The following RYR2 variants were observed in gnomAD, a reference collection of about 807,000 sequenced individuals.
The protein encoded by RYR2 is cardiac muscle ryanodine receptor-calcium release channel.
RYR2 carries 227 observed loss-of-function variants against 601.1 expected under a neutral mutation model. The ratio of observed to expected loss-of-function variants is 0.38; its 90% CI spans 0.34 to 0.42. RYR2 has a LOEUF of 0.42. Ranked by LOEUF, RYR2 falls within the 10% of genes least tolerant of loss-of-function variation. The pLI is 1.00. For synonymous variants in RYR2, 2,223 were observed against 2,175.1 expected (o/e 1.02, Z -0.61); for missense variants, 4,646 against 6,156.5 (o/e 0.75, Z 8.21).
In RYR2 at chr1:237,832,532, C is replaced by A; in HGVS notation, c.14809-20C>A. 1 of 1,531,964 alleles carries A rather than the reference C, an allele frequency of 6.5e-7. No individual in the cohort carries two copies. Among genetic ancestry groups the A allele is most frequent in the Non-Finnish European group, 9.0e-7 (1 of 1,108,910 alleles). The allele number at this position is 1,531,964 out of a possible 1,614,324, so 94.9% of individuals were successfully genotyped here. ...ACACACTTTGGGGAAAATGTTAATA[C>A]ATTTCCTTGACTTTTGCAGGAATCT... On this transcript the variant is annotated intron_variant, in intron 104 of 104. Transcript: ENST00000366574.
intron 12 of RYR2, 38 bp downstream of exon 12, chr1:237,423,286 A>G (rs1301575836): frequency 1.3e-6 from 2 of 1,593,296 alleles, no homozygotes; most frequent in South Asian, 2.3e-5. Flanking sequence ...TATAAATGTT[A>G]CCCGGTCATA....
intron 99 of RYR2, 75 bp from the exon 100 acceptor site, chr1:237,808,826 C>A (rs571864633): frequency 1.4e-6 from 2 of 1,444,770 alleles, no homozygotes. Flanking sequence ...GAGCACTCGC[C>A]GCCCATGTAG....
chr1:237,118,346 G>A (rs1377769966), intron 1 of RYR2, among the ~76,000 whole-genome samples: 2 of 151,612 alleles, frequency 1.3e-5, no homozygotes, highest in Admixed American at 1.3e-4. Flanking sequence ...CATTATGGCA[G>A]CCACAGACGT....
In RYR2 at chr1:237,216,759, A is replaced by C. The variant is rs148086009; in HGVS notation, c.49-53738A>C. Among the ~76,000 whole-genome samples the C allele has an allele frequency of 1.5e-3, 223 of 151,766 alleles. 3 individuals carry two copies. Among genetic ancestry groups the C allele is most frequent in the African/African-American group, 5.0e-3 (206 of 41,282 alleles). On this transcript the variant is annotated intron_variant, in intron 1 of 104. Coordinates refer to ENST00000366574, the MANE Select transcript of RYR2 (RefSeq NM_001035.3). ...TCTTAAAACACCCCCCACCAAAAAA[A>C]AAAAAACAAAAAACAAAACAAAACA...
chr1:237,416,739 G>T (rs1029457758), intron 10 of RYR2, among the ~76,000 whole-genome samples: 5 of 131,418 alleles, frequency 3.8e-5, no homozygotes, highest in African/African-American at 1.2e-4. Flanking sequence ...GGGAGGGAGG[G>T]ATGGGAAGAA....
intron 1 of RYR2, among the ~76,000 whole-genome samples, chr1:237,058,618 A>G (rs1286353494): frequency 6.6e-6 from 1 of 152,142 alleles, no homozygotes; most frequent in Non-Finnish European, 1.5e-5. Context: ...ACTTTCTCAA[A>G]AGGAATCTTC....
rs1200349326 is a variant in RYR2 at position 237,248,289 on chromosome 1, C to A, written c.49-22208C>A. ...TCCACCCCCCGCAACCCCGCCCCCC[C>A]CCCCCCCCCCAAAAATGATGATGTA... On this transcript the variant is annotated intron_variant, in intron 1 of 104. Coordinates refer to ENST00000366574, the MANE Select transcript of RYR2 (RefSeq NM_001035.3). 1.6e-4 allele frequency among the ~76,000 whole-genome samples: 15 copies of A among 93,142 alleles called. 1 individual carries two copies. In the South Asian group the frequency reaches 4.4e-3, roughly 27 times the overall value. 61.1% of individuals were successfully genotyped at this position (93,142 alleles called of 152,430 possible). A position where few individuals can be genotyped will look rare whatever the true frequency, so the allele number is the denominator to read the frequency against.
At chr1:237,529,766 C>CACACACACAA (rs2147933348) in intron 24 of RYR2, among the ~76,000 whole-genome samples, 1 of 141,218 alleles carries the variant, frequency 7.1e-6, no homozygotes, top group Non-Finnish European at 1.5e-5. Flanking sequence ...ATCATACACA[C>CACACACACAA]ACACACACAC....
intron 2 of RYR2, among the ~76,000 whole-genome samples, chr1:237,297,926 A>ATTTTTTTTTTTTTT (rs71661539): frequency 7.5e-6 from 1 of 133,372 alleles, no homozygotes; most frequent in Non-Finnish European, 1.6e-5. Flanking sequence ...AATTTTTTGT[A>ATTTTTTTTTTTTTT]TTTTTTTTTT....
rs946693009 is a variant in RYR2, at chr1:237,107,894, C to T, written c.48+65325C>T. 4.3e-4 allele frequency among the ~76,000 whole-genome samples: 66 copies of T among 152,122 alleles called. 1 individual carries two copies. Among genetic ancestry groups the T allele is most frequent in the Admixed American group, 3.9e-4 (6 of 15,282 alleles). ...TGGGGTTCCCCTGGGCTTCACATGC[C>T]CTCATCTTCCTTTATTTTTCTTGAG... On this transcript the variant is annotated intron_variant, in intron 1 of 104. Transcript: ENST00000366574.
At chr1:237,823,741 A>G (rs1392622896) in intron 101 of RYR2, among the ~76,000 whole-genome samples, 2 of 152,208 alleles carry the variant, frequency 1.3e-5, no homozygotes, top group African/African-American at 4.8e-5. Flanking sequence ...TGAATCCAGG[A>G]GCTGGTGTTT....
chr1:237,739,733 A>T (rs1691450451), intron 79 of RYR2, among the ~76,000 whole-genome samples: 1 of 152,186 alleles, frequency 6.6e-6, no homozygotes, highest in South Asian at 2.1e-4. Context: ...GTCAGATTTA[A>T]ATCCACAATG....
intron 53 of RYR2, 86 bp from the exon 54 acceptor site, chr1:237,657,858 C>T: frequency 1.5e-6 from 1 of 676,972 alleles, no homozygotes; most frequent in Non-Finnish European, 2.5e-6. Context: ...GAGATATAAG[C>T]ATTCATAAGC....
intron 87 of RYR2, among the ~76,000 whole-genome samples, chr1:237,775,220 A>C (rs1457950050): frequency 6.6e-6 from 1 of 152,128 alleles, no homozygotes; most frequent in Non-Finnish European, 1.5e-5. Flanking sequence ...GATAGCACAG[A>C]GGGTTTCTGT....
chr1:237,257,072 C>T (rs1055836605), intron 1 of RYR2, among the ~76,000 whole-genome samples: 2 of 152,182 alleles, frequency 1.3e-5, no homozygotes, highest in African/African-American at 4.8e-5. Flanking sequence ...TTCACTTTAG[C>T]TGTAGCCTAC....
intron 1 of RYR2, among the ~76,000 whole-genome samples, chr1:237,191,722 A>T (rs972641679): frequency 2.0e-5 from 3 of 152,180 alleles, no homozygotes; most frequent in African/African-American, 7.2e-5. Context: ...TCATTTAATG[A>T]TCTAAACAGT....
intron 88 of RYR2, among the ~76,000 whole-genome samples, chr1:237,780,624 G>T (rs1442136697): frequency 6.6e-6 from 1 of 152,114 alleles, no homozygotes; most frequent in African/African-American, 2.4e-5. Context: ...GACACAATAT[G>T]TCTTTGAAAA....
chr1:237,734,563 G>C (rs529791002), intron 79 of RYR2, among the ~76,000 whole-genome samples: 3 of 152,318 alleles, frequency 2.0e-5, no homozygotes, highest in Admixed American at 2.0e-4. Context: ...GGAAGTCTTT[G>C]GCTGTTGAAC....
intron 1 of RYR2, among the ~76,000 whole-genome samples, chr1:237,126,957 G>C (rs1366340181): frequency 6.6e-6 from 1 of 151,746 alleles, no homozygotes; most frequent in South Asian, 2.1e-4. Context: ...GTGTCCCTGG[G>C]TACTTGAGAT....
Sources: gnomAD v4.1 joint callset for allele counts (sites outside exome capture counted in the v4.1 genomes callset) on GRCh38, gnomAD v4.1.1 for gene constraint, MANE v1.5 for transcripts, NCBI Gene and HGNC (gene_info 2026-07-23, HGNC 2026-07-21) for gene names.